ARHGAP22: variants seen among roughly 807,000 people sequenced by gnomAD.
The protein encoded by ARHGAP22 is Rho GTPase activating protein 22.
A neutral mutation model predicts 59.1 loss-of-function variants in ARHGAP22; 48 were observed. That is an observed-to-expected ratio of 0.81 (90% CI 0.64 to 1.03). ARHGAP22 has a LOEUF of 1.03. ARHGAP22 is among the 50% of genes least tolerant of loss of function. The pLI, the probability that ARHGAP22 is intolerant of heterozygous loss-of-function variation, is 0.00. For missense variants in ARHGAP22, 1,015 were observed against 958.7 expected (o/e 1.06, Z -0.78); for synonymous variants, 445 against 416.4 (o/e 1.07, Z -0.84).
chr10:48,577,896 C>T (rs1329552114), intron 2 of ARHGAP22, among the ~76,000 whole-genome samples: 2 of 141,324 alleles, frequency 1.4e-5, no homozygotes, highest in Non-Finnish European at 3.0e-5. Context: ...TCAACCTCTA[C>T]CTCCCAGGTT....
At chr10:48,527,943 G>A (rs2054481981) in intron 3 of ARHGAP22, among the ~76,000 whole-genome samples, 6 of 152,198 alleles carry the variant, frequency 3.9e-5, no homozygotes, top group Admixed American at 3.9e-4. Flanking sequence ...TATCCAGTGG[G>A]CACAATGGGC....
Position 48,460,027 on chromosome 10 carries a change from G to A in ARHGAP22, c.452-136C>T, listed in dbSNP as rs2046984971. The A allele has an allele frequency of 1.0e-5, 9 of 888,652 alleles. No individual in the cohort carries two copies. In the East Asian group the frequency reaches 2.1e-4, roughly 21 times the overall value. The allele number at this position is 888,652 out of a possible 1,614,324, so 55.0% of individuals were successfully genotyped here. A position where few individuals can be genotyped will look rare whatever the true frequency, so the allele number is the denominator to read the frequency against. ...GAAGCAAATTACACACTGGGAGGAT[G>A]CATACCAGAAGGCTGTGCCCTGGCC... is the stretch of plus-strand genomic sequence containing the variant. On this transcript the variant is annotated intron_variant, in intron 4 of 9. Coordinates refer to ENST00000249601, the MANE Select transcript of ARHGAP22 (RefSeq NM_021226.4).
intron 4 of ARHGAP22, among the ~76,000 whole-genome samples, chr10:48,471,756 G>A (rs2048249170): frequency 6.6e-6 from 1 of 152,150 alleles, no homozygotes; most frequent in Non-Finnish European, 1.5e-5. Context: ...CTGACCACAG[G>A]GAGAGCACCC....
intron 1 of ARHGAP22, among the ~76,000 whole-genome samples, chr10:48,586,113 C>T (rs2059411419): frequency 1.3e-5 from 2 of 152,128 alleles, no homozygotes; most frequent in Non-Finnish European, 2.9e-5. Context: ...ATATCTATGG[C>T]TGGTTATTAT....
intron 3 of ARHGAP22, among the ~76,000 whole-genome samples, chr10:48,505,864 G>C (rs556809150): frequency 3.3e-5 from 5 of 152,316 alleles, no homozygotes; most frequent in African/African-American, 1.2e-4. Flanking sequence ...TTGACAAATG[G>C]CAGAGGCTGC....
chr10:48,537,051 C>T (rs1021339562), intron 3 of ARHGAP22, among the ~76,000 whole-genome samples: 1 of 152,156 alleles, frequency 6.6e-6, no homozygotes, highest in Admixed American at 6.5e-5. Flanking sequence ...CCCAGGAGGC[C>T]GGCTGCTTTC....
chr10:48,468,096 A>G (rs2047894090), intron 4 of ARHGAP22, among the ~76,000 whole-genome samples: 1 of 152,234 alleles, frequency 6.6e-6, no homozygotes, highest in African/African-American at 2.4e-5. Context: ...CAAAGTTTTC[A>G]ATACAGAAAG....
intron 1 of ARHGAP22, among the ~76,000 whole-genome samples, chr10:48,626,192 A>T (rs946193214): frequency 6.6e-6 from 1 of 152,184 alleles, no homozygotes; most frequent in Non-Finnish European, 1.5e-5. Flanking sequence ...ATCAGAGCCA[A>T]TTATAAGAGA....
At chr10:48,456,109 T>C (rs1005334224) in intron 5 of ARHGAP22, among the ~76,000 whole-genome samples, 1 of 152,154 alleles carries the variant, frequency 6.6e-6, no homozygotes, top group Non-Finnish European at 1.5e-5. Context: ...GAGCTTGCGT[T>C]CCAAGCCGTA....
At chr10:48,564,488 T>G (rs982622099) in intron 2 of ARHGAP22, among the ~76,000 whole-genome samples, 1 of 151,748 alleles carries the variant, frequency 6.6e-6, no homozygotes, top group African/African-American at 2.4e-5. Flanking sequence ...TGGGAGGGAG[T>G]GGTGGGAATG....
intron 3 of ARHGAP22, among the ~76,000 whole-genome samples, chr10:48,524,429 C>G (rs1046413675): frequency 1.3e-5 from 2 of 151,994 alleles, no homozygotes; most frequent in African/African-American, 2.4e-5. Context: ...CCGTTACTCT[C>G]CCGGGGTGCC....
intron 1 of ARHGAP22, among the ~76,000 whole-genome samples, chr10:48,613,698 G>A (rs1007271757): frequency 4.6e-5 from 7 of 151,594 alleles, no homozygotes; most frequent in African/African-American, 1.5e-4. Flanking sequence ...TAGAAAAATA[G>A]AGAGGCCAGG....
chr10:48,431,838 A>G, the ARHGAP22 span, among the ~76,000 whole-genome samples: 1 of 152,202 alleles, frequency 6.6e-6, no homozygotes, highest in Non-Finnish European at 1.5e-5. Flanking sequence ...TAGAGGGGAA[A>G]AGTTAAATGG....
intron 5 of ARHGAP22, among the ~76,000 whole-genome samples, chr10:48,455,970 C>T (rs377602733): frequency 2.6e-5 from 4 of 152,210 alleles, no homozygotes; most frequent in African/African-American, 9.6e-5. Context: ...CCCGCTCTGG[C>T]TCGGAGCTGC....
intron 1 of ARHGAP22, among the ~76,000 whole-genome samples, chr10:48,583,951 C>T (rs1188714497): frequency 1.3e-5 from 2 of 152,160 alleles, no homozygotes; most frequent in Admixed American, 1.3e-4. Flanking sequence ...GTTGGTGCTG[C>T]CCTTCACAGG....
At chr10:48,508,745 T>C (rs1298559338) in intron 3 of ARHGAP22, among the ~76,000 whole-genome samples, 5 of 152,178 alleles carry the variant, frequency 3.3e-5, no homozygotes, top group African/African-American at 4.8e-5. Context: ...TGAGGGTAAA[T>C]TGTATGGGAG....
chr10:48,515,457 C>T (rs116711470), intron 3 of ARHGAP22, among the ~76,000 whole-genome samples: 2,023 of 152,086 alleles, frequency 0.013, 50 homozygotes, highest in African/African-American at 0.046. Flanking sequence ...ATAAACAGAA[C>T]GCAGGAGATT....
intron 3 of ARHGAP22, among the ~76,000 whole-genome samples, chr10:48,496,620 G>T (rs554657666): frequency 1.3e-4 from 20 of 152,090 alleles, no homozygotes; most frequent in Admixed American, 3.3e-4. Flanking sequence ...TCCTTCTCTA[G>T]GATCTTACCT....
intron 3 of ARHGAP22, among the ~76,000 whole-genome samples, chr10:48,514,061 A>G (rs947028944): frequency 1.3e-5 from 2 of 152,108 alleles, no homozygotes; most frequent in African/African-American, 4.8e-5. Flanking sequence ...TTATAGAAGA[A>G]AAAAAATCAG....
Sources: gnomAD v4.1 joint callset for allele counts (sites outside exome capture counted in the v4.1 genomes callset) on GRCh38, gnomAD v4.1.1 for gene constraint, MANE v1.5 for transcripts, NCBI Gene and HGNC (gene_info 2026-07-23, HGNC 2026-07-21) for gene names.